Variants in ATP2B4 observed in about 807,000 individuals in gnomAD.
The protein encoded by ATP2B4 is plasma membrane calcium-transporting ATPase 4.
In ATP2B4, 39 loss-of-function variants were observed where a neutral mutation model predicts 110.3. That is an observed-to-expected ratio of 0.35 (90% CI 0.27 to 0.46). The LOEUF (loss-of-function observed/expected upper bound fraction) is 0.46, where lower values mean the gene tolerates loss of function less well. ATP2B4 is among the 20% of genes least tolerant of loss of function. The probability of loss-of-function intolerance (pLI) is 1.00; values close to 1 mark genes in which losing one functional copy is unlikely to be tolerated. For synonymous variants in ATP2B4, 538 were observed against 571.7 expected, an observed-to-expected ratio of 0.94 and a Z score of 0.84; for missense variants, 1,135 against 1,530.9, an observed-to-expected ratio of 0.74 and a Z score of 4.32.
chr1:203,628,688 C>G (rs904525648), intron 1 of ATP2B4, among the ~76,000 whole-genome samples: 6 of 152,132 alleles, frequency 3.9e-5, no homozygotes, highest in Admixed American at 6.5e-5. Flanking sequence ...ATTGGAGGCC[C>G]TACTACGCCC....
chr1:203,707,782 G>A (rs1215011090), intron 9 of ATP2B4, 80 bp from the exon 10 acceptor site: 4 of 1,550,470 alleles, frequency 2.6e-6, no homozygotes, highest in Non-Finnish European at 3.5e-6. Flanking sequence ...GAGAGATGTT[G>A]GCTAGGAAAT....
At chr1:203,726,335 T>G (rs1666515365) in intron 19 of ATP2B4, among the ~76,000 whole-genome samples, 1 of 152,064 alleles carries the variant, frequency 6.6e-6, no homozygotes, top group South Asian at 2.1e-4. Flanking sequence ...CCCGAAGTGC[T>G]GGGATTACAG....
chr1:203,638,468 C>A (rs946085756), intron 1 of ATP2B4, among the ~76,000 whole-genome samples: 9 of 152,204 alleles, frequency 5.9e-5, no homozygotes, highest in African/African-American at 2.2e-4. Context: ...AGCATCCATT[C>A]CAGGAGCTTT....
chr1:203,674,536 C>T (rs1011504425), intron 1 of ATP2B4, among the ~76,000 whole-genome samples: 118 of 151,540 alleles, frequency 7.8e-4, no homozygotes, highest in African/African-American at 2.8e-3. Context: ...TGCAGTGGCA[C>T]GATCTCAGCT....
chr1:203,678,970 G>A (rs1008737472), intron 1 of ATP2B4, among the ~76,000 whole-genome samples: 22 of 152,098 alleles, frequency 1.4e-4, no homozygotes, highest in Middle Eastern at 3.2e-3. Flanking sequence ...AATTTAGGAG[G>A]AAAAAAGTAA....
rs1358726584 is a variant in ATP2B4 at position 203,743,564 on chromosome 1, A to G, written c.*3710A>G. ...GTTCATGTTTTCTCCCCATATGTAT[A>G]TATGCCATATGTGAATATGCCATAT... On this transcript the variant is annotated 3_prime_UTR_variant, in exon 21 of 21. Transcript: ENST00000357681. The G allele has an allele frequency of 6.6e-6, 1 of 152,632 alleles. No homozygotes were observed. Among genetic ancestry groups the G allele is most frequent in the African/African-American group, 2.4e-5 (1 of 41,446 alleles). The allele number at this position is 152,632 out of a possible 1,614,324, so 9.5% of individuals were successfully genotyped here.
At chr1:203,693,636 A>G (rs1665448068) in intron 2 of ATP2B4, among the ~76,000 whole-genome samples, 1 of 152,146 alleles carries the variant, frequency 6.6e-6, no homozygotes, top group Non-Finnish European at 1.5e-5. Flanking sequence ...ATAGGTTTGG[A>G]CTCTGATGAA....
intron 6 of ATP2B4, among the ~76,000 whole-genome samples, chr1:203,701,454 G>T (rs1029971936): frequency 6.6e-6 from 1 of 152,136 alleles, no homozygotes; most frequent in Non-Finnish European, 1.5e-5. Flanking sequence ...ATAAGAGGGA[G>T]AAAGAGGAGA....
chr1:203,675,676 G>A (rs1014324215), intron 1 of ATP2B4, among the ~76,000 whole-genome samples: 3 of 152,166 alleles, frequency 2.0e-5, no homozygotes, highest in Non-Finnish European at 2.9e-5. Context: ...ATTGAAGAAG[G>A]TGCTGTCAGA....
At chr1:203,737,842 G>C (rs186803207) in intron 20 of ATP2B4, among the ~76,000 whole-genome samples, 4 of 152,238 alleles carry the variant, frequency 2.6e-5, no homozygotes, top group East Asian at 3.9e-4. Context: ...CTGTAGTAGA[G>C]TGGGACGAGA....
chr1:203,720,938 T>C (rs1166253022), intron 16 of ATP2B4, among the ~76,000 whole-genome samples, 198 bp downstream of exon 16: 1 of 152,246 alleles, frequency 6.6e-6, no homozygotes, highest in African/African-American at 2.4e-5. Flanking sequence ...TTAGCACTTA[T>C]GTGTCAGCCA....
At chr1:203,648,156 G>A (rs528828458) in intron 1 of ATP2B4, among the ~76,000 whole-genome samples, 1 of 152,078 alleles carries the variant, frequency 6.6e-6, no homozygotes, top group Non-Finnish European at 1.5e-5. Context: ...CTGGTGATTT[G>A]GGTTCTCATG....
At chr1:203,724,860 G>GCT (rs1208019852) in intron 19 of ATP2B4, among the ~76,000 whole-genome samples, 4,767 of 128,756 alleles carry the variant, frequency 0.037, 735 homozygotes, top group African/African-American at 0.12. Context: ...TTTGAATCCA[G>GCT]CTCTCTGTTT....
At chr1:203,659,505 C>T (rs111608528) in intron 1 of ATP2B4, among the ~76,000 whole-genome samples, 127 of 151,592 alleles carry the variant, frequency 8.4e-4, no homozygotes, top group African/African-American at 2.9e-3. Flanking sequence ...GTTGTCTCTA[C>T]AAAAACATTT....
At chr1:203,692,544 G>A (rs1022769208) in intron 2 of ATP2B4, among the ~76,000 whole-genome samples, 1 of 152,114 alleles carries the variant, frequency 6.6e-6, no homozygotes, top group South Asian at 2.1e-4. Flanking sequence ...TCCAAAAGAG[G>A]ACAGCCTTCA....
chr1:203,659,591 G>C (rs531080703), intron 1 of ATP2B4, among the ~76,000 whole-genome samples: 103 of 152,318 alleles, frequency 6.8e-4, no homozygotes, highest in African/African-American at 2.3e-3. Context: ...CTTGAGCCCA[G>C]AGGCTGAGGC....
intron 15 of ATP2B4, among the ~76,000 whole-genome samples, chr1:203,718,495 T>G (rs1332081891): frequency 6.6e-6 from 1 of 152,082 alleles, no homozygotes; most frequent in Admixed American, 6.5e-5. Context: ...AGATGGAGTT[T>G]CGCCATTTTG....
chr1:203,671,894 G>C (rs1250119648), intron 1 of ATP2B4, among the ~76,000 whole-genome samples: 1 of 152,232 alleles, frequency 6.6e-6, no homozygotes, highest in African/African-American at 2.4e-5. Context: ...TCCAGCTAGA[G>C]TGAGCAGGCT....
chr1:203,691,713 C>A (rs975510360), intron 2 of ATP2B4, among the ~76,000 whole-genome samples: 2 of 151,918 alleles, frequency 1.3e-5, no homozygotes, highest in Non-Finnish European at 2.9e-5. Flanking sequence ...CCAAGCCATG[C>A]GTGTATTAAA....
Sources: allele counts gnomAD v4.1 joint callset (sites outside exome capture counted in the v4.1 genomes callset), GRCh38; gene constraint gnomAD v4.1.1; transcripts MANE v1.5; gene names NCBI Gene and HGNC (gene_info 2026-07-23, HGNC 2026-07-21).